MCF2L2: variants seen among roughly 807,000 people sequenced by gnomAD.
MCF2L2 encodes the protein MCF.2 cell line derived transforming sequence-like 2, also known as probable guanine nucleotide exchange factor MCF2L2.
Under a neutral mutation model 150.2 loss-of-function variants are expected in MCF2L2, and 102 were observed. The observed-to-expected ratio is 0.68, with a 90% CI of 0.58 to 0.80. The LOEUF (loss-of-function observed/expected upper bound fraction) is 0.80. Among genes scored for constraint, MCF2L2 ranks in the 30% least tolerant of loss-of-function variants. The probability of loss-of-function intolerance (pLI) is 0.00; values close to 1 mark genes in which losing one functional copy is unlikely to be tolerated. For missense variants in MCF2L2, 1,256 were observed against 1,372.8 expected, an observed-to-expected ratio of 0.91 and a Z score of 1.34; for synonymous variants, 465 against 491.3, an observed-to-expected ratio of 0.95 and a Z score of 0.71.
intron 6 of MCF2L2, among the ~76,000 whole-genome samples, chr3:183,321,146 T>C (rs2108518692): frequency 6.6e-6 from 1 of 152,176 alleles, no homozygotes; most frequent in South Asian, 2.1e-4. Context: ...CTGTTACAAA[T>C]ATAACAGTTG....
intron 4 of MCF2L2, 110 bp downstream of exon 4, chr3:183,341,430 C>A: frequency 1.2e-6 from 1 of 846,056 alleles, no homozygotes; most frequent in Non-Finnish European, 1.9e-6. Flanking sequence ...CAAAGACCTT[C>A]CCAAAATTTG....
chr3:183,339,313 G>T (rs1467181803), intron 4 of MCF2L2, among the ~76,000 whole-genome samples: 2 of 151,894 alleles, frequency 1.3e-5, no homozygotes, highest in Non-Finnish European at 2.9e-5. Context: ...CTTTACCATG[G>T]CTCATATTCT....
At chr3:183,220,186 T>C (rs1723094902) in intron 20 of MCF2L2, among the ~76,000 whole-genome samples, 1 of 152,258 alleles carries the variant, frequency 6.6e-6, no homozygotes, top group Non-Finnish European at 1.5e-5. Context: ...CCCATGATAT[T>C]ATGTTTTTCT....
intron 25 of MCF2L2, among the ~76,000 whole-genome samples, chr3:183,196,884 C>T (rs1174666840): frequency 1.3e-5 from 2 of 152,106 alleles, no homozygotes; most frequent in East Asian, 3.8e-4. Context: ...AAGCACAGTT[C>T]AGGCCTTAAG....
chr3:183,401,386 C>T (rs1186346561), intron 1 of MCF2L2, among the ~76,000 whole-genome samples: 6 of 152,038 alleles, frequency 3.9e-5, no homozygotes, highest in African/African-American at 1.4e-4. Context: ...GTAAGCCTTG[C>T]CATTGGCCAA....
Position 183,215,113 on chromosome 3 carries a change from A to T in MCF2L2, c.2496+856T>A, listed in dbSNP as rs867995921. Among the ~76,000 whole-genome samples the T allele has an allele frequency of 5.9e-5, 9 of 152,246 alleles. No homozygotes were observed. The South Asian group carries it at 6.2e-4, about 11-fold the overall frequency. ...GTGGGTGGCCTTTTTAAGCTGGAAA[A>T]TTCCAGGAGACAGATGCTAGACTCC... On this transcript the variant is annotated intron_variant, in intron 22 of 29. Transcript: ENST00000328913.
intron 14 of MCF2L2, among the ~76,000 whole-genome samples, chr3:183,284,239 C>A (rs1727666078): frequency 6.6e-6 from 1 of 152,178 alleles, no homozygotes; most frequent in African/African-American, 2.4e-5. Context: ...TAATCACCAC[C>A]TCACTCCTCT....
chr3:183,290,525 A>ATTTC (rs1190075201), intron 13 of MCF2L2, among the ~76,000 whole-genome samples: 1 of 151,068 alleles, frequency 6.6e-6, no homozygotes, highest in Non-Finnish European at 1.5e-5. Flanking sequence ...GGATTTGAGC[A>ATTTC]TTTCTTTCTT....
intron 17 of MCF2L2, among the ~76,000 whole-genome samples, chr3:183,228,804 C>A (rs769270658): frequency 2.6e-5 from 4 of 152,112 alleles, no homozygotes; most frequent in Non-Finnish European, 5.9e-5. Flanking sequence ...TTCATAAGAA[C>A]TGCTGCTGCT....
chr3:183,314,334 C>G (rs9863083), intron 7 of MCF2L2, among the ~76,000 whole-genome samples: 1 of 152,046 alleles, frequency 6.6e-6, no homozygotes, highest in Non-Finnish European at 1.5e-5. Flanking sequence ...AAGTTTGATA[C>G]GATTGTTCCA....
intron 15 of MCF2L2, among the ~76,000 whole-genome samples, chr3:183,250,484 G>A (rs1308585018): frequency 1.3e-5 from 2 of 152,054 alleles, no homozygotes; most frequent in African/African-American, 2.4e-5. Context: ...CTACTCGGGA[G>A]GCTGAGGCAG....
At chr3:183,380,440 C>T (rs943752386) in intron 2 of MCF2L2, among the ~76,000 whole-genome samples, 1 of 152,176 alleles carries the variant, frequency 6.6e-6, no homozygotes, top group East Asian at 1.9e-4. Flanking sequence ...CTCGCACTGT[C>T]GCCCAGGCTA....
chr3:183,413,662 TA>T (rs1323264439), intron 1 of MCF2L2, among the ~76,000 whole-genome samples: 1 of 152,228 alleles, frequency 6.6e-6, no homozygotes, highest in Non-Finnish European at 1.5e-5. Flanking sequence ...CCTCGCCCTG[TA>T]AAGCCCTGCA....
At chr3:183,334,789 A>G (rs1218310312) in intron 5 of MCF2L2, among the ~76,000 whole-genome samples, 6 of 93,634 alleles carry the variant, frequency 6.4e-5, no homozygotes, top group African/African-American at 3.0e-4. Flanking sequence ...GCAAAACTCC[A>G]TTTCAAAAAA....
intron 1 of MCF2L2, among the ~76,000 whole-genome samples, chr3:183,417,386 C>T (rs1715656077): frequency 6.6e-6 from 1 of 152,112 alleles, no homozygotes; most frequent in Non-Finnish European, 1.5e-5. Context: ...ACCCATTGTA[C>T]AGTCAAAAAG....
intron 7 of MCF2L2, among the ~76,000 whole-genome samples, chr3:183,317,113 C>T (rs543232057): frequency 2.0e-5 from 3 of 152,328 alleles, no homozygotes; most frequent in Non-Finnish European, 4.4e-5. Flanking sequence ...ACTCTCCTAA[C>T]TAGACTGTGT....
intron 1 of MCF2L2, among the ~76,000 whole-genome samples, chr3:183,407,133 A>G (rs1245757150): frequency 6.6e-6 from 1 of 152,174 alleles, no homozygotes; most frequent in East Asian, 1.9e-4. Flanking sequence ...ACTCCACTGA[A>G]CTGCCTTTAT....
intron 3 of MCF2L2, among the ~76,000 whole-genome samples, chr3:183,361,107 A>AAGAC (rs1560040349): frequency 5.5e-5 from 5 of 91,532 alleles, no homozygotes; most frequent in African/African-American, 3.9e-4. Flanking sequence ...CAAGACAAGA[A>AAGAC]AAGAAAAAAG....
intron 21 of MCF2L2, among the ~76,000 whole-genome samples, chr3:183,216,660 A>G (rs1722956615): frequency 7.6e-6 from 1 of 131,236 alleles, no homozygotes; most frequent in Admixed American, 8.1e-5. Context: ...GCTGGAGTGC[A>G]GAGGCACGAT....
Sources: allele counts gnomAD v4.1 joint callset (sites outside exome capture counted in the v4.1 genomes callset), GRCh38; gene constraint gnomAD v4.1.1; transcripts MANE v1.5; gene names NCBI Gene and HGNC (gene_info 2026-07-23, HGNC 2026-07-21).